The following CXCL17 variants were observed in gnomAD, a reference collection of about 807,000 sequenced individuals.
CXCL17 encodes C-X-C motif chemokine 17.
CXCL17 carries 9 observed loss-of-function variants against 15.5 expected under a neutral mutation model. That is an observed-to-expected ratio of 0.58 (90% confidence interval 0.35 to 1.01). The LOEUF is 1.01. Among genes scored for constraint, CXCL17 ranks in the 50% least tolerant of loss-of-function variants. The probability of loss-of-function intolerance (pLI) is 0.02; values close to 1 mark genes in which losing one functional copy is unlikely to be tolerated. For missense variants in CXCL17, 133 were observed against 138.2 expected (o/e 0.96, Z 0.19); for synonymous variants, 52 against 52.3 (o/e 0.99, Z 0.02).
chr19:42,440,944 G>A (rs2040885937), intron 1 of CXCL17, among the ~76,000 whole-genome samples: 2 of 152,162 alleles, frequency 1.3e-5, no homozygotes, highest in Admixed American at 1.3e-4. Flanking sequence ...CTATTGGCAT[G>A]TAGGGGAGAG....
intron 1 of CXCL17, among the ~76,000 whole-genome samples, chr19:42,437,940 C>T (rs1387667333): frequency 6.6e-6 from 1 of 152,122 alleles, no homozygotes; most frequent in African/African-American, 2.4e-5. Context: ...CCCCAAGATA[C>T]TTCAAGTCTC....
chr19:42,442,794 T>C lies in CXCL17; in HGVS notation c.39A>G (p.Pro13=). The part of the protein sequence containing the change: ...VLISSLLLLL[P]LMLMSMVSSS... ...TAGAGACCATGGACATCAGCATTAG[T>C]GGCAGCAACAGGAGGAGGGAAGAGA... Residue 13 remains proline (P), a synonymous_variant, in exon 1 of 4, where the codon CCA becomes CCG. Coordinates refer to ENST00000601181, the MANE Select transcript of CXCL17 (RefSeq NM_198477.3). 1 of 1,613,614 alleles carries C rather than the reference T, an allele frequency of 6.2e-7. No homozygotes were observed. Among genetic ancestry groups the C allele is most frequent in the East Asian group, 2.2e-5 (1 of 44,874 alleles).
chr19:42,432,199 C>T (rs10411253), intron 3 of CXCL17, among the ~76,000 whole-genome samples: 10,314 of 135,940 alleles, frequency 0.076, 1,217 homozygotes, highest in African/African-American at 0.27. Context: ...GGCTGGAGTG[C>T]AGTGGCATGA....
At chr19:42,437,370 A>G in intron 1 of CXCL17, among the ~76,000 whole-genome samples, 1 of 152,280 alleles carries the variant, frequency 6.6e-6, no homozygotes, top group East Asian at 1.9e-4. Context: ...CATAAATATT[A>G]AAGTAAAAAG....
chr19:42,435,838 A>AAG (rs1302629783), intron 1 of CXCL17, among the ~76,000 whole-genome samples: 2 of 151,242 alleles, frequency 1.3e-5, no homozygotes, highest in Non-Finnish European at 3.0e-5. Context: ...TAAAAAAAAA[A>AAG]AAAAAAAGTA....
chr19:42,431,283 C>T (rs1179417391), intron 3 of CXCL17, among the ~76,000 whole-genome samples: 2 of 152,338 alleles, frequency 1.3e-5, no homozygotes, highest in African/African-American at 4.8e-5. Flanking sequence ...TCCTGCCCTC[C>T]TCTCACTGGT....
In CXCL17 at chr19:42,428,872, C is replaced by A. The variant is rs369676170; in HGVS notation, c.*12G>T. On this transcript the variant is annotated 3_prime_UTR_variant, in exon 4 of 4. Coordinates refer to ENST00000601181, the MANE Select transcript of CXCL17 (RefSeq NM_198477.3). The stretch of plus-strand genomic sequence containing the variant: ...GAGAATGTTTAATTGGAAGAGTGGG[C>A]GCTCAGAGCTCCTACAAAGGCAGAG... The A allele has an allele frequency of 1.3e-6, 2 of 1,596,716 alleles. No homozygotes were observed. The highest frequency in any genetic ancestry group is 1.7e-6 in the Non-Finnish European group (2 of 1,164,334).
At chr19:42,438,381 AAT>A (rs1201763586) in intron 1 of CXCL17, among the ~76,000 whole-genome samples, 5,078 of 63,676 alleles carry the variant, frequency 0.08, 516 homozygotes, top group East Asian at 0.12. Flanking sequence ...AAAAAAAAAA[AAT>A]ATATATATAT....
chr19:42,434,391 A>G (rs2040812863), intron 1 of CXCL17, among the ~76,000 whole-genome samples: 1 of 152,146 alleles, frequency 6.6e-6, no homozygotes, highest in African/African-American at 2.4e-5. Flanking sequence ...TCCTTAAATC[A>G]AGATTTTCCC....
chr19:42,433,091 A>G lies in CXCL17; in HGVS notation c.161-14T>C. ...TCAGGAACCAATCTGGAACAACAGC[A>G]TTGCTGCTTAGATGGGAGAGTTAAT... On this transcript the variant is annotated splice_polypyrimidine_tract_variant and intron_variant, in intron 2 of 3. Coordinates refer to ENST00000601181, the MANE Select transcript of CXCL17 (RefSeq NM_198477.3). 1 of 1,580,958 alleles carries G rather than the reference A, an allele frequency of 6.3e-7. No individual in the cohort carries two copies. The highest frequency in any genetic ancestry group is 1.3e-5 in the African/African-American group (1 of 74,298).
At chr19:42,433,268 CTTTGGGCAAGG>C (rs1433664509) in intron 2 of CXCL17, among the ~76,000 whole-genome samples, 191 bp from the exon 3 acceptor site, 3 of 152,132 alleles carry the variant, frequency 2.0e-5, no homozygotes, top group Non-Finnish European at 4.4e-5. Context: ...TTCCTGACAA[CTTTGGGCAAGG>C]TTTGGGCAAG....
intron 1 of CXCL17, among the ~76,000 whole-genome samples, chr19:42,442,524 G>A (rs545083030): frequency 1.8e-4 from 27 of 152,180 alleles, no homozygotes; most frequent in African/African-American, 6.0e-4. Flanking sequence ...GTGAGCCACC[G>A]CGCCCGGCCA....
chr19:42,439,646 G>A (rs934433656), intron 1 of CXCL17, among the ~76,000 whole-genome samples: 1 of 152,156 alleles, frequency 6.6e-6, no homozygotes, highest in South Asian at 2.1e-4. Context: ...CGACATCCTG[G>A]GGCTCTTGCT....
At chr19:42,442,340 T>A (rs1189436031) in intron 1 of CXCL17, among the ~76,000 whole-genome samples, 1 of 151,240 alleles carries the variant, frequency 6.6e-6, no homozygotes, top group African/African-American at 2.4e-5. Context: ...TTCCAGCAAT[T>A]CTCTGGCCTC....
At chr19:42,434,227 G>C (rs192231374) in intron 1 of CXCL17, among the ~76,000 whole-genome samples, 55 of 152,216 alleles carry the variant, frequency 3.6e-4, no homozygotes, top group Admixed American at 3.3e-3. Context: ...ATCTGGCCTA[G>C]AGAAAAGCTT....
intron 1 of CXCL17, among the ~76,000 whole-genome samples, chr19:42,435,243 T>G (rs1484603502): frequency 6.6e-6 from 1 of 152,112 alleles, no homozygotes; most frequent in Non-Finnish European, 1.5e-5. Flanking sequence ...GATTCTCAAG[T>G]AAGAGCTTGG....
chr19:42,433,213 CAG>C, intron 2 of CXCL17, 136 bp from the exon 3 acceptor site: 2 of 620,914 alleles, frequency 3.2e-6, no homozygotes, highest in Non-Finnish European at 5.6e-6. Context: ...CAACAGAGAA[CAG>C]TGTCCATCCA....
chr19:42,437,857 G>T (rs528078055), intron 1 of CXCL17, among the ~76,000 whole-genome samples: 2 of 152,150 alleles, frequency 1.3e-5, no homozygotes, highest in East Asian at 3.9e-4. Context: ...ACTTTTCTGT[G>T]CCTCATTTTC....
chr19:42,432,725 AC>A (rs997640133), intron 3 of CXCL17, among the ~76,000 whole-genome samples: 16 of 152,178 alleles, frequency 1.1e-4, no homozygotes, highest in African/African-American at 3.9e-4. Context: ...AGCCCCATCT[AC>A]CCCCACTTTG....
Sources: allele counts gnomAD v4.1 joint callset (sites outside exome capture counted in the v4.1 genomes callset), GRCh38; gene constraint gnomAD v4.1.1; transcripts MANE v1.5; gene names NCBI Gene and HGNC (gene_info 2026-07-23, HGNC 2026-07-21).